C6: variants seen among roughly 807,000 people sequenced by gnomAD.
C6 encodes complement component C6.
C6 carries 101 observed loss-of-function variants against 112.9 expected under a neutral mutation model. The ratio of observed to expected loss-of-function variants is 0.89; its 90% CI spans 0.76 to 1.06. The LOEUF (loss-of-function observed/expected upper bound fraction) is 1.06. C6 is among the 50% of genes least tolerant of loss of function. The pLI is 0.00. For synonymous variants in C6, 431 were observed against 384.1 expected (o/e 1.12, Z -1.43); for missense variants, 1,202 against 1,104.6 (o/e 1.09, Z -1.25).
chr5:41,209,829 C>G (rs2150387415), intron 1 of C6, among the ~76,000 whole-genome samples: 1 of 152,264 alleles, frequency 6.6e-6, no homozygotes, highest in South Asian at 2.1e-4. Flanking sequence ...CCCCATCAAG[C>G]TACAAATGAC....
At chr5:41,198,977 T>C (rs970496727) in intron 4 of C6, among the ~76,000 whole-genome samples, 1 of 152,088 alleles carries the variant, frequency 6.6e-6, no homozygotes, top group African/African-American at 2.4e-5. Context: ...TATATCTCCC[T>C]ACCCACATCC....
intron 1 of C6, among the ~76,000 whole-genome samples, chr5:41,236,891 G>T (rs1351579896): frequency 7.0e-6 from 1 of 142,166 alleles, no homozygotes; most frequent in Non-Finnish European, 1.5e-5. Context: ...ATGATAAAGG[G>T]GATATCACCA....
chr5:41,236,565 G>A (rs1439484700), intron 1 of C6, among the ~76,000 whole-genome samples: 26 of 109,616 alleles, frequency 2.4e-4, no homozygotes, highest in African/African-American at 7.7e-4. Context: ...TCTCTGGGAC[G>A]CATTCAAAGC....
intron 1 of C6, among the ~76,000 whole-genome samples, chr5:41,257,781 C>G (rs1741810192): frequency 6.6e-6 from 1 of 152,216 alleles, no homozygotes; most frequent in East Asian, 1.9e-4. Flanking sequence ...TACCTCCCAG[C>G]CCCCTCATGC....
At chr5:41,240,881 T>C (rs1740664531) in intron 1 of C6, among the ~76,000 whole-genome samples, 1 of 152,122 alleles carries the variant, frequency 6.6e-6, no homozygotes, top group Admixed American at 6.5e-5. Context: ...TAAGGTGTAG[T>C]GGGCACAGTA....
chr5:41,231,669 TA>T (rs1739907725), intron 1 of C6, among the ~76,000 whole-genome samples: 1 of 152,098 alleles, frequency 6.6e-6, no homozygotes, highest in Non-Finnish European at 1.5e-5. Context: ...TTTTGACATT[TA>T]TTTTTTTAAA....
chr5:41,199,038 C>A (rs938138901), intron 4 of C6, among the ~76,000 whole-genome samples: 1 of 152,122 alleles, frequency 6.6e-6, no homozygotes, highest in Non-Finnish European at 1.5e-5. Flanking sequence ...AAAACCCTGA[C>A]CCCAGCATTC....
At position 41,202,502 on chromosome 5, in the gene C6, C is replaced by T. The variant is rs373513138; in HGVS notation, c.143+586G>A. On this transcript the variant is annotated intron_variant, in intron 2 of 17. Transcript: ENST00000337836. ...TAAAATAAGGATCCTAAAAAATTCT[C>T]TAATGGTTAAAACACATTAAATATA... is the stretch of plus-strand genomic sequence containing the variant. Among the ~76,000 whole-genome samples the T allele has an allele frequency of 5.8e-4, 88 of 152,278 alleles. 1 individual carries two copies. Among genetic ancestry groups the T allele is most frequent in the African/African-American group, 2.1e-3 (86 of 41,550 alleles).
chr5:41,205,280 A>G (rs1037055973), intron 1 of C6, among the ~76,000 whole-genome samples: 1 of 152,196 alleles, frequency 6.6e-6, no homozygotes, highest in Non-Finnish European at 1.5e-5. Flanking sequence ...GAATAGGAAA[A>G]GTTCCAGTCT....
rs141787600 is a variant in C6 at position 41,179,263 on chromosome 5, G to A, written c.927+2096C>T. Among the ~76,000 whole-genome samples, 480 of 152,266 alleles carry A rather than the reference G, an allele frequency of 3.2e-3. 2 individuals carry two copies. The highest frequency in any genetic ancestry group is 0.01 in the Middle Eastern group (3 of 294). On this transcript the variant is annotated intron_variant, in intron 7 of 17. Coordinates refer to ENST00000337836, the MANE Select transcript of C6 (RefSeq NM_000065.5). The stretch of plus-strand genomic sequence containing the variant: ...TTTTAACTTTGGGACAGACTATTAG[G>A]AGATCAAACAATAGCTGTTTATCTA...
At chr5:41,161,649 A>G (rs1462118290) in intron 10 of C6, 44 bp downstream of exon 10, 16 of 1,528,848 alleles carry the variant, frequency 1.0e-5, no homozygotes, top group Non-Finnish European at 1.4e-5. Context: ...GGGCTGCTAG[A>G]GAACTACTTT....
intron 1 of C6, among the ~76,000 whole-genome samples, chr5:41,226,081 C>G (rs188416583): frequency 0.026 from 3,946 of 152,188 alleles, 169 homozygotes; most frequent in African/African-American, 0.09. Flanking sequence ...GCAATGGCAA[C>G]AAAAGCCAAA....
At chr5:41,201,737 G>A in intron 2 of C6, 23 bp from the exon 3 acceptor site, 4 of 1,605,344 alleles carry the variant, frequency 2.5e-6, no homozygotes, top group Non-Finnish European at 3.4e-6. Context: ...AGAAGAAGTT[G>A]CTTAGAATGA....
rs894493054 is a variant in C6, at chr5:41,161,707, C to CA, written c.1443dup (p.Val482CysfsTer3). ...TTTACTCTTACCTCAAAGTCAATCACAGCAGGATTTTCCTTCACTGATTCT... is the reference window on the plus strand; with the variant it reads ...TTTACTCTTACCTCAAAGTCAATCACAAGCAGGATTTTCCTTCACTGATTCT... On this transcript the variant is annotated frameshift_variant, in exon 10 of 18. Coordinates refer to ENST00000337836, the MANE Select transcript of C6 (RefSeq NM_000065.5). LOFTEE classifies it high-confidence loss of function. 6.2e-7 allele frequency: 1 copy of CA among 1,613,496 alleles called. No individual in the cohort carries two copies. The highest frequency in any genetic ancestry group is 1.3e-5 in the African/African-American group (1 of 75,014).
intron 3 of C6, among the ~76,000 whole-genome samples, chr5:41,201,195 A>C (rs1249371170): frequency 6.6e-6 from 1 of 152,106 alleles, no homozygotes; most frequent in Non-Finnish European, 1.5e-5. Context: ...CAGAATCCAC[A>C]AAACATCCAA....
chr5:41,231,504 G>C (rs1258588317), intron 1 of C6, among the ~76,000 whole-genome samples: 2 of 152,014 alleles, frequency 1.3e-5, no homozygotes, highest in Non-Finnish European at 2.9e-5. Context: ...CTACACTTTT[G>C]CTTCTTCCAT....
chr5:41,203,669 G>A (rs1438399053), intron 1 of C6: 1 of 180,528 alleles, frequency 5.5e-6, no homozygotes, highest in Non-Finnish European at 1.2e-5. Context: ...AAGAAGTTTG[G>A]ATCATTCTTC....
In C6 at chr5:41,203,177, CTTG is replaced by C; in HGVS notation, c.51_53del (p.Asn17del). On this transcript the variant is annotated inframe_deletion, in exon 2 of 18. Coordinates refer to ENST00000337836, the MANE Select transcript of C6 (RefSeq NM_000065.5). ...AGTGATCACAGAAGCAGGCTTGGCCCTTGTTGATCAGAGCATTCAGCAGGATGA... is the reference window on the plus strand; with the variant it reads ...AGTGATCACAGAAGCAGGCTTGGCCCTTGATCAGAGCATTCAGCAGGATGA... The C allele has an allele frequency of 6.2e-7, 1 of 1,614,032 alleles. No individual in the cohort carries two copies. Among genetic ancestry groups the C allele is most frequent in the Non-Finnish European group, 8.5e-7 (1 of 1,179,964 alleles).
chr5:41,231,139 A>G (rs1449783027), intron 1 of C6, among the ~76,000 whole-genome samples: 2 of 152,138 alleles, frequency 1.3e-5, no homozygotes, highest in African/African-American at 4.8e-5. Flanking sequence ...TTTTCTTAAA[A>G]TACATTTATT....
Sources: gnomAD v4.1 joint callset for allele counts (sites outside exome capture counted in the v4.1 genomes callset) on GRCh38, gnomAD v4.1.1 for gene constraint, MANE v1.5 for transcripts, NCBI Gene and HGNC (gene_info 2026-07-23, HGNC 2026-07-21) for gene names.